ZNF829: variants seen among roughly 807,000 people sequenced by gnomAD.
ZNF829 encodes the protein zinc finger protein 829.
ZNF829 carries 25 observed loss-of-function variants against 35.2 expected under a neutral mutation model. The ratio of observed to expected loss-of-function variants is 0.71; its 90% CI spans 0.52 to 0.99. ZNF829 has a LOEUF of 0.99. Among genes scored for constraint, ZNF829 ranks in the 50% least tolerant of loss-of-function variants. ZNF829 has a pLI of 0.00. For missense variants in ZNF829, 417 were observed against 515.3 expected, an observed-to-expected ratio of 0.81 and a Z score of 1.85; for synonymous variants, 136 against 163.2, an observed-to-expected ratio of 0.83 and a Z score of 1.27.
intron 3 of ZNF829, among the ~76,000 whole-genome samples, chr19:36,911,361 A>G (rs1365309994): frequency 6.6e-6 from 1 of 151,972 alleles, no homozygotes; most frequent in Non-Finnish European, 1.5e-5. Flanking sequence ...ACAGGCACAC[A>G]CCACCACATC....
intron 5 of ZNF829, chr19:36,892,907 A>C (rs761568000): frequency 3.2e-5 from 37 of 1,140,872 alleles, no homozygotes; most frequent in Non-Finnish European, 4.0e-5. Flanking sequence ...CAGCATGCCC[A>C]GGCAGGGGTT....
intron 3 of ZNF829, 26 bp downstream of exon 3, chr19:36,914,939 A>G: frequency 1.9e-6 from 3 of 1,612,818 alleles, no homozygotes; most frequent in Non-Finnish European, 2.5e-6. Context: ...GAATTTTCAG[A>G]AGAAAAAGAG....
chr19:36,898,155 CA>C (rs1309019605), intron 5 of ZNF829, among the ~76,000 whole-genome samples: 1 of 151,136 alleles, frequency 6.6e-6, no homozygotes, highest in African/African-American at 2.4e-5. Flanking sequence ...GGAGACAGAG[CA>C]AAACTCTGTC....
At chr19:36,901,081 T>G (rs1317751671) in intron 5 of ZNF829, among the ~76,000 whole-genome samples, 3 of 152,168 alleles carry the variant, frequency 2.0e-5, no homozygotes, top group Admixed American at 2.0e-4. Context: ...GACATGTTCA[T>G]ACAACATTAA....
rs1448691251 is a variant in ZNF829 at position 36,890,293 on chromosome 19, C to A, written c.*1199G>T. ...CTGTTGGGTCCATTTGGTGTAGAGTCCAATTTAAGTCCAGAGTTTCTTTGT... is the reference window on the plus strand; with the variant it reads ...CTGTTGGGTCCATTTGGTGTAGAGTACAATTTAAGTCCAGAGTTTCTTTGT... On this transcript the variant is annotated 3_prime_UTR_variant, in exon 6 of 6. Transcript: ENST00000391711. 1 of 151,972 alleles carries A rather than the reference C, an allele frequency of 6.6e-6. No individual in the cohort carries two copies. The highest frequency in any genetic ancestry group is 6.6e-5 in the Admixed American group (1 of 15,238). The allele number at this position is 151,972 out of a possible 1,614,324, so 9.4% of individuals were successfully genotyped here.
chr19:36,908,268 T>G (rs1402689450), intron 4 of ZNF829, 65 bp downstream of exon 4: 4 of 1,549,114 alleles, frequency 2.6e-6, no homozygotes, highest in Non-Finnish European at 3.5e-6. Flanking sequence ...AGCAAATAAT[T>G]CACAATGGAG....
rs1437847538 is a variant in ZNF829 at position 36,915,122 on chromosome 19, T to A, written c.38+8A>T. On this transcript the variant is annotated splice_region_variant and intron_variant, in intron 2 of 5. Coordinates refer to ENST00000391711, the MANE Select transcript of ZNF829 (RefSeq NM_001037232.4). Reference sequence around the variant, plus strand: ...AAGTAAGAGTTCTTCCCCAGCCCCATTACCCACCACACATGAGGAATGGAG... The same window carrying A: ...AAGTAAGAGTTCTTCCCCAGCCCCAATACCCACCACACATGAGGAATGGAG... 12 of 1,614,050 alleles carry A rather than the reference T, an allele frequency of 7.4e-6. No individual in the cohort carries two copies. In the East Asian group the frequency reaches 1.8e-4, roughly 24 times the overall value.
chr19:36,891,907 G>A lies in ZNF829; in HGVS notation c.884C>T (p.Pro295Leu), dbSNP rs999357901. The A allele has an allele frequency of 3.1e-6, 5 of 1,613,900 alleles. No homozygotes were observed. The African/African-American group carries it at 6.7e-5, about 22-fold the overall frequency. ...TTTCCCACATTCTTTACATTCATAA[G>A]GTTTCTCACCAGTATGAATTCTCAG... The part of the protein sequence containing the change: ...LHLRIHTGEK[P>L]YECKECGKAF... The change falls in exon 6 of 6, where the codon CCT becomes CTT. Residue 295 changes from proline (P) to leucine (L), a missense_variant. Physicochemically the swap from Pro to Leu is moderately conservative, Grantham distance 98 (BLOSUM62 -3). Transcript: ENST00000391711.
chr19:36,905,353 C>T (rs1568370950), intron 5 of ZNF829: 1 of 151,976 alleles, frequency 6.6e-6, no homozygotes, highest in Non-Finnish European at 1.5e-5. Flanking sequence ...TAATTCTCCA[C>T]AAACTGATAT....
chr19:36,908,403 G>C lies in ZNF829; in HGVS notation c.153C>G (p.Cys51Trp), dbSNP rs2146246301. The change falls in exon 4 of 6, where the codon TGC (cysteine) becomes TGG (tryptophan). Residue 51 changes from cysteine (C) to tryptophan (W), a missense_variant. Coordinates refer to ENST00000391711, the MANE Select transcript of ZNF829 (RefSeq NM_001037232.4). ...ATAAATTCATCTGATCAGCGTCCAGGCATTCCCATTCCTCTTGAGAGAAGT... is the reference window on the plus strand; with the variant it reads ...ATAAATTCATCTGATCAGCGTCCAGCCATTCCCATTCCTCTTGAGAGAAGT... ...SIDFSQEEWECLDADQMNLYK... is the reference protein window; with the variant it reads ...SIDFSQEEWEWLDADQMNLYK... The C allele has an allele frequency of 6.2e-7, 1 of 1,613,076 alleles. No homozygotes were observed. Among genetic ancestry groups the C allele is most frequent in the South Asian group, 1.1e-5 (1 of 90,916 alleles).
intron 5 of ZNF829, chr19:36,892,782 A>C (rs1362062423): frequency 4.0e-6 from 2 of 499,232 alleles, no homozygotes; most frequent in Non-Finnish European, 6.4e-6. Flanking sequence ...AGAGATTCTA[A>C]TTAAAAAAAA....
intron 3 of ZNF829, among the ~76,000 whole-genome samples, chr19:36,911,894 C>T (rs1049164970): frequency 2.0e-5 from 3 of 152,154 alleles, no homozygotes; most frequent in African/African-American, 7.2e-5. Flanking sequence ...TTCAAGAAGA[C>T]ATGCTGTGCA....
intron 5 of ZNF829, chr19:36,907,444 T>C (rs73626765): frequency 0.013 from 1,993 of 154,076 alleles, 46 homozygotes; most frequent in African/African-American, 0.045. Flanking sequence ...CCATTCTCAA[T>C]TTCACCATAC....
At chr19:36,895,240 G>A (rs2073101778) in intron 5 of ZNF829, among the ~76,000 whole-genome samples, 2 of 152,148 alleles carry the variant, frequency 1.3e-5, no homozygotes, top group Non-Finnish European at 2.9e-5. Flanking sequence ...CAAAAATGAA[G>A]GAGAAAGTTT....
At chr19:36,902,111 G>T in intron 5 of ZNF829, 2 of 371,940 alleles carry the variant, frequency 5.4e-6, no homozygotes. Context: ...CAATGTGGAT[G>T]AGAACTAATC....
intron 3 of ZNF829, 93 bp downstream of exon 3, chr19:36,914,872 T>G: frequency 8.0e-7 from 1 of 1,257,860 alleles, no homozygotes; most frequent in Non-Finnish European, 1.1e-6. Flanking sequence ...GCAACCATCC[T>G]TTTCTGTGAT....
intron 5 of ZNF829, among the ~76,000 whole-genome samples, chr19:36,899,483 GAA>G (rs35093483): frequency 1.5e-5 from 2 of 137,610 alleles, no homozygotes; most frequent in African/African-American, 5.1e-5. Context: ...ATTAGTAAAA[GAA>G]AAAAAAATAC....
chr19:36,900,564 C>A (rs183720777), intron 5 of ZNF829, among the ~76,000 whole-genome samples: 232 of 151,480 alleles, frequency 1.5e-3, no homozygotes, highest in African/African-American at 5.5e-3. Context: ...TAAAAACAAC[C>A]AGGCCAAGTG....
intron 5 of ZNF829, among the ~76,000 whole-genome samples, chr19:36,901,587 C>G (rs1359665346): frequency 6.6e-6 from 1 of 152,062 alleles, no homozygotes; most frequent in Non-Finnish European, 1.5e-5. Flanking sequence ...GGTTGGGCAA[C>G]TTTTTAAATA....
Sources: allele counts gnomAD v4.1 joint callset (sites outside exome capture counted in the v4.1 genomes callset), GRCh38; gene constraint gnomAD v4.1.1; transcripts MANE v1.5; gene names NCBI Gene and HGNC (gene_info 2026-07-23, HGNC 2026-07-21).